RUNX1T1: variants seen among roughly 807,000 people sequenced by gnomAD.
RUNX1T1 encodes the protein RUNX1 partner transcriptional co-repressor 1.
RUNX1T1 carries 4 observed loss-of-function variants against 62.8 expected under a neutral mutation model. The ratio of observed to expected loss-of-function variants is 0.06; its 90% CI spans 0.03 to 0.15. The LOEUF (loss-of-function observed/expected upper bound fraction) is 0.15, where lower values mean the gene tolerates loss of function less well. RUNX1T1 is among the 10% of genes least tolerant of loss of function. RUNX1T1 has a pLI of 1.00. For missense variants in RUNX1T1, 508 were observed against 754.3 expected (o/e 0.67, Z 3.82); for synonymous variants, 291 against 286.0 (o/e 1.02, Z -0.18).
At chr8:92,023,528 T>C (rs1824534670) in intron 1 of RUNX1T1, among the ~76,000 whole-genome samples, 1 of 152,232 alleles carries the variant, frequency 6.6e-6, no homozygotes, top group South Asian at 2.1e-4. Flanking sequence ...GTCTACCTCC[T>C]CTTTTCAGAT....
At chr8:91,992,911 T>C (rs929041097) in intron 5 of RUNX1T1, among the ~76,000 whole-genome samples, 1 of 152,230 alleles carries the variant, frequency 6.6e-6, no homozygotes, top group African/African-American at 2.4e-5. Context: ...AGCAGTAATT[T>C]CTGGCTGTAT....
chr8:92,034,621 TCAAA>T (rs1236399181), intron 1 of RUNX1T1, among the ~76,000 whole-genome samples: 4 of 151,764 alleles, frequency 2.6e-5, no homozygotes, highest in South Asian at 2.1e-4. Context: ...ACACAAGGAA[TCAAA>T]CTAAGTATCC....
At chr8:91,960,280 G>A (rs1586676781) in exon 11 of RUNX1T1, 6 of 1,610,050 alleles carry the variant, frequency 3.7e-6, no homozygotes, top group Non-Finnish European at 5.1e-6. Flanking sequence ...GGGGTTCCCG[G>A]GGTGGTTGAC....
intron 1 of RUNX1T1, among the ~76,000 whole-genome samples, chr8:92,098,281 T>C (rs1837879466): frequency 6.6e-6 from 1 of 152,238 alleles, no homozygotes; most frequent in Non-Finnish European, 1.5e-5. Context: ...TAGACATTCA[T>C]GTGACCTTTT....
intron 1 of RUNX1T1, among the ~76,000 whole-genome samples, chr8:92,077,930 T>C (rs942494121): frequency 6.6e-6 from 1 of 152,146 alleles, no homozygotes; most frequent in Admixed American, 6.5e-5. Context: ...CAATTAAAAA[T>C]GATCTCTCAA....
intron 1 of RUNX1T1, among the ~76,000 whole-genome samples, chr8:92,041,904 T>C: frequency 6.7e-6 from 1 of 148,576 alleles, no homozygotes; most frequent in African/African-American, 2.5e-5. Context: ...CTGCAACCTC[T>C]GCCTCCCAGA....
At chr8:92,056,765 C>T (rs992016441) in intron 1 of RUNX1T1, among the ~76,000 whole-genome samples, 3 of 151,892 alleles carry the variant, frequency 2.0e-5, no homozygotes, top group Non-Finnish European at 2.9e-5. Context: ...AAAAAACGTG[C>T]TTTTTTTTAG....
At chr8:92,049,296 T>C (rs1009161124) in intron 1 of RUNX1T1, among the ~76,000 whole-genome samples, 13 of 152,198 alleles carry the variant, frequency 8.5e-5, no homozygotes, top group Non-Finnish European at 1.6e-4. Flanking sequence ...AAGAATTCAA[T>C]TGGGGCTTAC....
upstream of RUNX1T1, among the ~76,000 whole-genome samples, chr8:92,102,274 G>A (rs1838073886): frequency 6.6e-6 from 1 of 152,150 alleles, no homozygotes; most frequent in Non-Finnish European, 1.5e-5. The surrounding 1 kb of genome is among the most constrained non-coding windows in gnomAD (Gnocchi z 4.5). Flanking sequence ...AAGTTCGCAG[G>A]CAGGCGCAGA....
chr8:91,977,619 T>G (rs1390121738), intron 8 of RUNX1T1, among the ~76,000 whole-genome samples: 1 of 152,132 alleles, frequency 6.6e-6, no homozygotes, highest in African/African-American at 2.4e-5. Flanking sequence ...CTTATGACAT[T>G]AAAAGACAAC....
chr8:92,058,090 C>G (rs1320073450), intron 1 of RUNX1T1, among the ~76,000 whole-genome samples: 2 of 152,088 alleles, frequency 1.3e-5, no homozygotes, highest in Non-Finnish European at 2.9e-5. Context: ...AGGTGGGTAT[C>G]TACCCCTCTG....
intron 5 of RUNX1T1, among the ~76,000 whole-genome samples, chr8:92,002,021 G>A (rs565610436): frequency 2.6e-5 from 4 of 152,078 alleles, no homozygotes; most frequent in South Asian, 2.1e-4. Flanking sequence ...TGTTCATTTC[G>A]TTTACATGGC....
upstream of RUNX1T1, among the ~76,000 whole-genome samples, chr8:92,102,038 G>GTGC (rs1340568129): frequency 1.3e-5 from 2 of 152,236 alleles, no homozygotes; most frequent in East Asian, 3.9e-4. The surrounding 1 kb of genome is among the most constrained non-coding windows in gnomAD (Gnocchi z 4.5). Context: ...GCACAAGGTT[G>GTGC]TGCTCCCCAC....
downstream of RUNX1T1, chr8:91,956,137 G>C (rs916563631): frequency 4.3e-6 from 1 of 230,180 alleles, no homozygotes; most frequent in Non-Finnish European, 8.6e-6. Context: ...GAGTGATCCA[G>C]ATTTAGGTAC....
downstream of RUNX1T1, chr8:91,958,607 TA>T (rs1809716629): frequency 5.5e-6 from 1 of 181,468 alleles, no homozygotes; most frequent in Admixed American, 6.3e-5. Context: ...CTTGTTATTT[TA>T]TTTTTTTAAA....
chr8:92,061,882 A>G (rs980577992), intron 1 of RUNX1T1, among the ~76,000 whole-genome samples: 1 of 152,190 alleles, frequency 6.6e-6, no homozygotes. Context: ...CTCCACAAGC[A>G]GAGCCTTCAC....
At chr8:91,987,077 A>G in intron 6 of RUNX1T1, 105 bp from the exon 8 acceptor site, 1 of 770,188 alleles carries the variant, frequency 1.3e-6, no homozygotes, top group Non-Finnish European at 2.3e-6. Context: ...ATGTAAAAAT[A>G]CGTTTGATTT....
upstream of RUNX1T1, among the ~76,000 whole-genome samples, chr8:92,063,930 T>G (rs1832466290): frequency 6.6e-6 from 1 of 152,190 alleles, no homozygotes; most frequent in African/African-American, 2.4e-5. Flanking sequence ...TCAATGAACA[T>G]GATAGACAGG....
intron 2 of RUNX1T1, among the ~76,000 whole-genome samples, chr8:92,073,698 A>G (rs189624848): frequency 1.8e-4 from 27 of 152,266 alleles, no homozygotes; most frequent in African/African-American, 5.8e-4. Flanking sequence ...TATTGTTAGT[A>G]TATTTTTTCA....
Sources: gnomAD v4.1 joint callset for allele counts (sites outside exome capture counted in the v4.1 genomes callset) on GRCh38, gnomAD v4.1.1 for gene constraint, Gnocchi (gnomAD v3.1) non-coding constraint, MANE v1.5 for transcripts, NCBI Gene and HGNC (gene_info 2026-07-23, HGNC 2026-07-21) for gene names.